The following KIAA0232 variants were observed in gnomAD, a reference collection of about 807,000 sequenced individuals.
The protein encoded by KIAA0232 is uncharacterized protein KIAA0232.
KIAA0232 carries 27 observed loss-of-function variants against 122.0 expected under a neutral mutation model. The observed-to-expected ratio is 0.22, with a 90% CI of 0.16 to 0.31. The LOEUF is 0.31. Ranked by LOEUF, KIAA0232 falls within the 10% of genes least tolerant of loss-of-function variation. The pLI, the probability that KIAA0232 is intolerant of heterozygous loss-of-function variation, is 1.00. For missense variants in KIAA0232, 1,551 were observed against 1,634.2 expected, an observed-to-expected ratio of 0.95 and a Z score of 0.88; for synonymous variants, 613 against 587.6, an observed-to-expected ratio of 1.04 and a Z score of -0.63.
At chr4:6,832,171 T>C (rs1719021639) in intron 3 of KIAA0232, among the ~76,000 whole-genome samples, 2 of 152,190 alleles carry the variant, frequency 1.3e-5, no homozygotes, top group Admixed American at 1.3e-4. Context: ...TTGATATATA[T>C]TTTGTCTTAT....
chr4:6,870,967 A>C (rs1054461575), intron 7 of KIAA0232, among the ~76,000 whole-genome samples: 1 of 152,196 alleles, frequency 6.6e-6, no homozygotes, highest in Non-Finnish European at 1.5e-5. Context: ...GGAATCTAGA[A>C]GTTTGCCTTG....
intron 2 of KIAA0232, among the ~76,000 whole-genome samples, chr4:6,817,933 C>G (rs908822956): frequency 2.0e-5 from 3 of 152,126 alleles, no homozygotes; most frequent in Non-Finnish European, 4.4e-5. Context: ...TTCTTTATCT[C>G]TGTTAGTATT....
At chr4:6,826,129 T>C (rs1008213002) in intron 3 of KIAA0232, among the ~76,000 whole-genome samples, 6 of 152,170 alleles carry the variant, frequency 3.9e-5, no homozygotes, top group African/African-American at 1.4e-4. Flanking sequence ...TTAACATGTT[T>C]TATACCTCAG....
chr4:6,867,008 G>A (rs1395470753), intron 7 of KIAA0232, among the ~76,000 whole-genome samples: 1 of 152,160 alleles, frequency 6.6e-6, no homozygotes, highest in Admixed American at 6.5e-5. Context: ...ATTCTCCAAG[G>A]ATATTTTTTG....
intron 4 of KIAA0232, among the ~76,000 whole-genome samples, chr4:6,852,207 G>A (rs1720324322): frequency 6.6e-6 from 1 of 152,052 alleles, no homozygotes; most frequent in African/African-American, 2.4e-5. Context: ...CCGTGTTCAA[G>A]GATAGGAATC....
At chr4:6,836,104 A>G (rs986169502) in intron 3 of KIAA0232, among the ~76,000 whole-genome samples, 1 of 152,174 alleles carries the variant, frequency 6.6e-6, no homozygotes, top group African/African-American at 2.4e-5. Context: ...AAGCGTTCCT[A>G]TCTCTCCACA....
chr4:6,845,678 A>T (rs1023623870), intron 4 of KIAA0232, among the ~76,000 whole-genome samples: 1 of 152,176 alleles, frequency 6.6e-6, no homozygotes, highest in African/African-American at 2.4e-5. Flanking sequence ...TCGGAAAGAA[A>T]ATATGGGTAG....
chr4:6,831,141 C>T lies in KIAA0232; in HGVS notation c.231+6457C>T, dbSNP rs967846703. On this transcript the variant is annotated intron_variant, in intron 3 of 9. Transcript: ENST00000307659. The stretch of plus-strand genomic sequence containing the variant: ...TGCGACCTCGGCTCACTGCAACCTC[C>T]ACCTCCCAGGTTCAAGCGATTCTCC... Among the ~76,000 whole-genome samples, 4 of 152,114 alleles carry T rather than the reference C, an allele frequency of 2.6e-5. No homozygotes were observed. The East Asian group carries it at 5.8e-4, about 22-fold the overall frequency.
At chr4:6,783,205 C>G (rs1342274166) in intron 1 of KIAA0232, among the ~76,000 whole-genome samples, 5 of 152,188 alleles carry the variant, frequency 3.3e-5, no homozygotes, top group African/African-American at 1.2e-4. Context: ...CGAGGGAGGC[C>G]TGACCGGCCC....
At chr4:6,804,940 T>G (rs959560400) in intron 2 of KIAA0232, among the ~76,000 whole-genome samples, 4 of 136,034 alleles carry the variant, frequency 2.9e-5, no homozygotes, top group Non-Finnish European at 6.2e-5. Flanking sequence ...AATGAATGAA[T>G]GAATGAATGC....
intron 1 of KIAA0232, among the ~76,000 whole-genome samples, chr4:6,800,974 A>C (rs1219661769): frequency 2.0e-5 from 3 of 152,212 alleles, no homozygotes; most frequent in South Asian, 2.1e-4. Flanking sequence ...GGGAATACAA[A>C]TATAAATATA....
intron 4 of KIAA0232, among the ~76,000 whole-genome samples, chr4:6,846,400 C>G (rs185993100): frequency 1.3e-5 from 2 of 152,120 alleles, no homozygotes; most frequent in Admixed American, 6.5e-5. Flanking sequence ...CAAGCTTTAC[C>G]GCCTGAGCTC....
intron 3 of KIAA0232, among the ~76,000 whole-genome samples, chr4:6,841,852 A>G (rs1270498681): frequency 6.6e-6 from 1 of 152,228 alleles, no homozygotes; most frequent in Non-Finnish European, 1.5e-5. Context: ...AGAAAACAAT[A>G]CTATTAAGAT....
rs1476787733 is a variant in KIAA0232 at position 6,824,383 on chromosome 4, C to G, written c.-71C>G. 2 of 1,238,052 alleles carry G rather than the reference C, an allele frequency of 1.6e-6. No individual in the cohort carries two copies. Among genetic ancestry groups the G allele is most frequent in the Non-Finnish European group, 2.4e-6 (2 of 838,362 alleles). The allele number at this position is 1,238,052 out of a possible 1,614,324, so 76.7% of individuals were successfully genotyped here. On this transcript the variant is annotated 5_prime_UTR_variant, in exon 3 of 10. Coordinates refer to ENST00000307659, the MANE Select transcript of KIAA0232 (RefSeq NM_014743.3). Reference sequence around the variant, plus strand: ...CTACTTTTTACTGGAGTGAAAATCCCCTCCAGATACCAACAGAATATCAAC... The same window carrying G: ...CTACTTTTTACTGGAGTGAAAATCCGCTCCAGATACCAACAGAATATCAAC...
At chr4:6,878,959 C>T (rs1035360343) in intron 9 of KIAA0232, among the ~76,000 whole-genome samples, 1 of 152,168 alleles carries the variant, frequency 6.6e-6, no homozygotes, top group Non-Finnish European at 1.5e-5. Context: ...CACATCATCC[C>T]TCCAGCCTCA....
Position 6,782,780 on chromosome 4 carries a change from C to T in KIAA0232, c.-415C>T, listed in dbSNP as rs1187967507. On this transcript the variant is annotated 5_prime_UTR_variant, in exon 1 of 10. Transcript: ENST00000307659. ...CCCGGCGCTCGGCAGCCGCCCGCAG[C>T]CCCTCGGAGCCAGAGGAGAGGCGCC... The T allele has an allele frequency of 6.7e-6, 1 of 149,052 alleles. No homozygotes were observed. Among genetic ancestry groups the T allele is most frequent in the African/African-American group, 2.4e-5 (1 of 41,050 alleles). The allele number at this position is 149,052 out of a possible 1,614,324, so 9.2% of individuals were successfully genotyped here. A position where few individuals can be genotyped will look rare whatever the true frequency, so the allele number is the denominator to read the frequency against.
chr4:6,835,526 G>C (rs1055351297), intron 3 of KIAA0232, among the ~76,000 whole-genome samples: 23 of 152,236 alleles, frequency 1.5e-4, no homozygotes, highest in East Asian at 7.7e-4. Context: ...GTGCAGGTTC[G>C]TTACATAGGT....
chr4:6,876,884 T>C (rs1293528126), intron 9 of KIAA0232, 127 bp downstream of exon 9: 1 of 653,172 alleles, frequency 1.5e-6, no homozygotes, highest in Non-Finnish European at 2.8e-6. Context: ...GCCAGGCCTG[T>C]GGGTGCAGAC....
At chr4:6,836,744 A>G (rs941116120) in intron 3 of KIAA0232, among the ~76,000 whole-genome samples, 1 of 151,882 alleles carries the variant, frequency 6.6e-6, no homozygotes, top group African/African-American at 2.4e-5. Flanking sequence ...GGGAGCGGTG[A>G]TGACTCTTAA....
Sources: allele counts gnomAD v4.1 joint callset (sites outside exome capture counted in the v4.1 genomes callset), GRCh38; gene constraint gnomAD v4.1.1; transcripts MANE v1.5; gene names NCBI Gene and HGNC (gene_info 2026-07-23, HGNC 2026-07-21).